The following NPHP3 variants were observed in gnomAD, a reference collection of about 807,000 sequenced individuals.
NPHP3 encodes the protein nephrocystin 3, also known as nephrocystin-3.
In NPHP3, 123 loss-of-function variants were observed where a neutral mutation model predicts 171.9. That is an observed-to-expected ratio of 0.72 (90% CI 0.62 to 0.83). The LOEUF is 0.83. NPHP3 is among the 40% of genes least tolerant of loss of function. NPHP3 has a pLI of 0.00. For synonymous variants in NPHP3, 558 were observed against 579.2 expected (o/e 0.96, Z 0.52); for missense variants, 1,506 against 1,591.9 (o/e 0.95, Z 0.92).
chr3:132,717,987 C>T, intron 3 of NPHP3: 1 of 412,888 alleles, frequency 2.4e-6, no homozygotes, highest in Non-Finnish European at 4.7e-6. Flanking sequence ...ATCTTTTGAC[C>T]TCGTGATCCG....
intron 7 of NPHP3, among the ~76,000 whole-genome samples, chr3:132,706,358 C>CAA (rs1314333911): frequency 1.0e-5 from 1 of 96,912 alleles, no homozygotes. Flanking sequence ...GACTCTGTCT[C>CAA]AAAAAAAAAA....
intron 18 of NPHP3, 99 bp downstream of exon 18, chr3:132,691,089 TTAAG>T (rs1939287630): frequency 2.2e-6 from 2 of 890,028 alleles, no homozygotes; most frequent in Admixed American, 3.4e-5. Context: ...TTTGTAATAA[TTAAG>T]TTTTTGTACT....
rs1254532880 is a variant in NPHP3, at chr3:132,696,779, G to A, written c.2123C>T (p.Thr708Ile). Reference protein sequence around the residue: ...KKLERHCRSATTCNALYVTLF... With the variant: ...KKLERHCRSAITCNALYVTLF... ...GGTGACATAAAGGGCATTGCAGGTT[G>A]TAGCAGAACGACAGTGTCGTTCTAG... Residue 708 changes from threonine to isoleucine, a missense_variant, in exon 15 of 27, where the codon ACA (threonine) becomes ATA (isoleucine). Thr to Ile is a moderately conservative substitution (Grantham distance 89). Around this residue, in one of 3 missense-constraint regions of NPHP3, gnomAD observed 930 missense variants for 924.9 expected, o/e 1.01. Transcript: ENST00000337331. 1 of 1,614,112 alleles carries A rather than the reference G, an allele frequency of 6.2e-7. No homozygotes were observed. Among genetic ancestry groups the A allele is most frequent in the East Asian group, 2.2e-5 (1 of 44,878 alleles).
chr3:132,686,329 T>C lies in NPHP3; in HGVS notation c.3260A>G (p.Lys1087Arg). The C allele has an allele frequency of 6.2e-7, 1 of 1,613,804 alleles. No individual in the cohort carries two copies. The highest frequency in any genetic ancestry group is 8.5e-7 in the Non-Finnish European group (1 of 1,179,690). ...ALQLEELTLG[K>R]DTPDNARTLN... ...GGTCCGAGCATTATCAGGTGTGTCC[T>C]TACCTAATGTAAGCTCTTCTAACTG... Residue 1087 changes from lysine to arginine, a missense_variant, in exon 23 of 27, where the codon AAG becomes AGG. Around this residue, in one of 3 missense-constraint regions of NPHP3, gnomAD observed 569 missense variants for 648.1 expected, o/e 0.88. Transcript: ENST00000337331.
At chr3:132,710,809 C>G (rs1939888451) in intron 6 of NPHP3, among the ~76,000 whole-genome samples, 2 of 152,178 alleles carry the variant, frequency 1.3e-5, no homozygotes, top group Non-Finnish European at 2.9e-5. Context: ...CTGGCCGTTT[C>G]CCTCTAATGC....
intron 21 of NPHP3, 134 bp from the exon 22 acceptor site, chr3:132,687,360 T>G: frequency 1.7e-6 from 1 of 576,552 alleles, no homozygotes; most frequent in Non-Finnish European, 3.1e-6. Flanking sequence ...GAAATGATAG[T>G]CATGACATTA....
rs1192083366 is a variant in NPHP3 at position 132,722,329 on chromosome 3, G to T, written c.27C>A (p.Ser9Arg). Residue 9 changes from serine (S) to arginine (R), a missense_variant, in exon 1 of 27, where the codon AGC becomes AGA. By Grantham distance (110) the Ser-to-Arg change is moderately radical. Around this residue, in one of 3 missense-constraint regions of NPHP3, gnomAD observed 7 missense variants for 18.9 expected, o/e 0.37. Transcript: ENST00000337331. MGTASSLV[S>R]PAGGEVIEDT... ...CCTCGATCACTTCCCCGCCCGCGGG[G>T]CTCACGAGCGACGAGGCGGTCCCCA... is the stretch of plus-strand genomic sequence containing the variant. 13 of 1,579,014 alleles carry T rather than the reference G, an allele frequency of 8.2e-6. No individual in the cohort carries two copies. Among genetic ancestry groups the T allele is most frequent in the Non-Finnish European group, 8.5e-6 (10 of 1,171,836 alleles).
rs1939545952 is a variant in NPHP3 at position 132,699,419 on chromosome 3, T to G, written c.1919A>C (p.Asp640Ala). The G allele has an allele frequency of 6.2e-7, 1 of 1,611,888 alleles. No homozygotes were observed. Among genetic ancestry groups the G allele is most frequent in the Non-Finnish European group, 8.5e-7 (1 of 1,179,638 alleles). ...QVEKHMKWLI[D>A]PLPVNVRVIV... ...TACTCTTACATTCACTGGCAGTGGA[T>G]CTATCAGCCATTTCATGTGTTTTTC... Residue 640 changes from aspartate to alanine, a missense_variant, in exon 13 of 27, where the codon GAT (aspartate) becomes GCT (alanine). Around this residue, in one of 3 missense-constraint regions of NPHP3, gnomAD observed 930 missense variants for 924.9 expected, o/e 1.01. Coordinates refer to ENST00000337331, the MANE Select transcript of NPHP3 (RefSeq NM_153240.5).
intron 3 of NPHP3, 117 bp from the exon 4 acceptor site, chr3:132,717,026 C>A: frequency 8.7e-7 from 1 of 1,150,612 alleles, no homozygotes; most frequent in African/African-American, 1.6e-5. Flanking sequence ...TACAAATATT[C>A]AAATGATTTT....
rs987046429 is a variant in NPHP3 at position 132,692,873 on chromosome 3, C to A, written c.2311-55G>T. 13 of 1,448,288 alleles carry A rather than the reference C, an allele frequency of 9.0e-6. No homozygotes were observed. The African/African-American group carries it at 1.7e-4, about 19-fold the overall frequency. The allele number at this position is 1,448,288 out of a possible 1,614,324, so 89.7% of individuals were successfully genotyped here. A position where few individuals can be genotyped will look rare whatever the true frequency, so the allele number is the denominator to read the frequency against. On this transcript the variant is annotated intron_variant, in intron 16 of 26. Transcript: ENST00000337331. Reference sequence around the variant, plus strand: ...ATAAAGCACCTGTATAAGTAACTAACGGCCATTAAAAGTTCCATAATTCTT... The same window carrying A: ...ATAAAGCACCTGTATAAGTAACTAAAGGCCATTAAAAGTTCCATAATTCTT...
chr3:132,701,051 A>G lies in NPHP3; in HGVS notation c.1628+379T>C, dbSNP rs116214325. The stretch of plus-strand genomic sequence containing the variant: ...TAACTAGTATGCTTTTGTCGTTTCA[A>G]ATATTTAAAGTATCAATGAAACTTT... On this transcript the variant is annotated intron_variant, in intron 10 of 26. Coordinates refer to ENST00000337331, the MANE Select transcript of NPHP3 (RefSeq NM_153240.5). 2.3e-3 allele frequency among the ~76,000 whole-genome samples: 351 copies of G among 152,344 alleles called. 2 individuals carry two copies. The highest frequency in any genetic ancestry group is 8.1e-3 in the African/African-American group (338 of 41,588).
chr3:132,689,105 C>T lies in NPHP3; in HGVS notation c.2852G>A (p.Arg951Gln), dbSNP rs781713260. 14 of 1,614,010 alleles carry T rather than the reference C, an allele frequency of 8.7e-6. No individual in the cohort carries two copies. In the East Asian group the frequency reaches 1.8e-4, roughly 21 times the overall value. The change falls in exon 20 of 27, where the codon CGA becomes CAA. Residue 951 changes from arginine to glutamine, a missense_variant. Arg to Gln is a conservative substitution (Grantham distance 43, BLOSUM62 1). Transcript: ENST00000337331. ...CLADLYETLG[R>Q]FLKDLGLLSQ... ...GAGAAGGCCTAGATCCTTGAGAAAT[C>T]GCCCCAAGGTTTCATAAAGATCAGC...
In NPHP3 at chr3:132,700,452, A is replaced by C. The variant is rs762628784; in HGVS notation, c.1629-4T>G. The C allele has an allele frequency of 6.4e-7, 1 of 1,555,432 alleles. No individual in the cohort carries two copies. On this transcript the variant is annotated splice_region_variant and splice_polypyrimidine_tract_variant and intron_variant, in intron 10 of 26. Coordinates refer to ENST00000337331, the MANE Select transcript of NPHP3 (RefSeq NM_153240.5). ...ATTCTTCTGTTGTAATTGAATCCTG[A>C]AAGAAAAAGACAGAACTTTTATAAA...
chr3:132,708,237 T>A lies in NPHP3; in HGVS notation c.1139A>T (p.Glu380Val), dbSNP rs368626865. The A allele has an allele frequency of 8.1e-6, 13 of 1,614,166 alleles. No homozygotes were observed. The highest frequency in any genetic ancestry group is 1.1e-5 in the Non-Finnish European group (13 of 1,180,020). ...TLPSLLLEDC[E>V]EAFLKNPEGK... ...TTCAGGGTTTTTCAGAAAAGCTTCTTCACAGTCTTCCAATAAAAGGCTAGA... is the reference window on the plus strand; with the variant it reads ...TTCAGGGTTTTTCAGAAAAGCTTCTACACAGTCTTCCAATAAAAGGCTAGA... Residue 380 changes from glutamate to valine, a missense_variant, in exon 7 of 27, where the codon GAA becomes GTA. By Grantham distance (121) the Glu-to-Val change is moderately radical (BLOSUM62 -2). Around this residue, in one of 3 missense-constraint regions of NPHP3, gnomAD observed 930 missense variants for 924.9 expected, o/e 1.01. Transcript: ENST00000337331.
intron 6 of NPHP3, 44 bp from the exon 7 acceptor site, chr3:132,708,301 C>A (rs375521768): frequency 3.8e-6 from 6 of 1,591,084 alleles, no homozygotes; most frequent in East Asian, 2.2e-5. Context: ...TGCATTGTGG[C>A]AGCAAGCAGT....
At chr3:132,719,978 T>C (rs1940163693) in intron 1 of NPHP3, 148 bp from the exon 2 acceptor site, 2 of 332,112 alleles carry the variant, frequency 6.0e-6, no homozygotes, top group South Asian at 2.4e-4. Context: ...AGGAACTTCA[T>C]GTTGCCATTT....
At chr3:132,688,619 A>G (rs756773320) in intron 21 of NPHP3, 31 bp downstream of exon 21, 13 of 1,608,938 alleles carry the variant, frequency 8.1e-6, no homozygotes, top group Non-Finnish European at 1.7e-6. Context: ...CCCTGCATAA[A>G]ATCAGGTATT....
At chr3:132,708,410 A>G (rs1484981441) in intron 6 of NPHP3, among the ~76,000 whole-genome samples, 153 bp from the exon 7 acceptor site, 1 of 152,220 alleles carries the variant, frequency 6.6e-6, no homozygotes, top group Non-Finnish European at 1.5e-5. Flanking sequence ...CCAAAAATGG[A>G]TGTGTTATGG....
intron 6 of NPHP3, among the ~76,000 whole-genome samples, chr3:132,711,235 T>C (rs1939901210): frequency 6.6e-6 from 1 of 152,120 alleles, no homozygotes; most frequent in African/African-American, 2.4e-5. Flanking sequence ...CCATCCCCAC[T>C]GCCATACCTC....
Sources: allele counts gnomAD v4.1 joint callset (sites outside exome capture counted in the v4.1 genomes callset), GRCh38; gene constraint gnomAD v4.1.1; regional missense constraint gnomAD v4.1.1; transcripts MANE v1.5; gene names NCBI Gene and HGNC (gene_info 2026-07-23, HGNC 2026-07-21).